The following PCCA variants were observed in gnomAD, a reference collection of about 807,000 sequenced individuals.
PCCA encodes propionyl-CoA carboxylase alpha chain, mitochondrial.
A neutral mutation model predicts 101.3 loss-of-function variants in PCCA; 74 were observed. That is an observed-to-expected ratio of 0.73 (90% CI 0.61 to 0.89). PCCA has a LOEUF of 0.89. PCCA is among the 40% of genes least tolerant of loss of function. The pLI, the probability that PCCA is intolerant of heterozygous loss-of-function variation, is 0.00. For missense variants in PCCA, 891 were observed against 907.0 expected, an observed-to-expected ratio of 0.98 and a Z score of 0.23; for synonymous variants, 294 against 313.6, an observed-to-expected ratio of 0.94 and a Z score of 0.66.
chr13:100,210,407 T>C (rs550563659), intron 7 of PCCA, among the ~76,000 whole-genome samples: 1 of 152,364 alleles, frequency 6.6e-6, no homozygotes, highest in African/African-American at 2.4e-5. Flanking sequence ...TACTGTCAGA[T>C]CTCTGGACTG....
chr13:100,360,323 A>G (rs1245504222), intron 18 of PCCA, among the ~76,000 whole-genome samples: 7 of 152,172 alleles, frequency 4.6e-5, no homozygotes, highest in Admixed American at 4.6e-4. Flanking sequence ...AGGTGGGGAC[A>G]CAGCCAAACC....
At chr13:100,430,367 T>C (rs2079459767) in intron 20 of PCCA, among the ~76,000 whole-genome samples, 1 of 152,222 alleles carries the variant, frequency 6.6e-6, no homozygotes, top group African/African-American at 2.4e-5. Flanking sequence ...AAGAACACCA[T>C]TATGAGTTTT....
intron 1 of PCCA, among the ~76,000 whole-genome samples, chr13:100,096,471 A>G (rs1009596758): frequency 6.6e-6 from 1 of 152,196 alleles, no homozygotes; most frequent in Admixed American, 6.5e-5. Context: ...GAGATACAAC[A>G]ATATTGAAAT....
intron 21 of PCCA, among the ~76,000 whole-genome samples, chr13:100,454,167 C>T (rs1279526562): frequency 2.6e-5 from 4 of 151,862 alleles, no homozygotes; most frequent in African/African-American, 9.7e-5. Context: ...AGCCACCGCA[C>T]CTGGCCAAAA....
intron 17 of PCCA, among the ~76,000 whole-genome samples, 179 bp downstream of exon 17, chr13:100,330,850 G>A (rs887548474): frequency 6.6e-6 from 1 of 152,164 alleles, no homozygotes; most frequent in Non-Finnish European, 1.5e-5. Context: ...ACTCATGAGT[G>A]TGATAATCTG....
At chr13:100,296,431 A>T (rs1201996263) in intron 12 of PCCA, among the ~76,000 whole-genome samples, 3 of 148,256 alleles carry the variant, frequency 2.0e-5, no homozygotes, top group East Asian at 2.0e-4. Flanking sequence ...TTTTTTTTTT[A>T]AATAGAGACA....
At chr13:100,279,415 T>C (rs2063912064) in intron 12 of PCCA, among the ~76,000 whole-genome samples, 1 of 152,202 alleles carries the variant, frequency 6.6e-6, no homozygotes, top group Non-Finnish European at 1.5e-5. Flanking sequence ...TTGGACTTCA[T>C]ATGTGTTCAG....
chr13:100,122,450 A>C (rs1367405113), intron 4 of PCCA, among the ~76,000 whole-genome samples: 1 of 152,176 alleles, frequency 6.6e-6, no homozygotes, highest in African/African-American at 2.4e-5. Context: ...CAGTGAAGCC[A>C]TCTGAATCTG....
At chr13:100,395,914 A>T (rs1018160915) in intron 19 of PCCA, among the ~76,000 whole-genome samples, 1 of 152,206 alleles carries the variant, frequency 6.6e-6, no homozygotes, top group Non-Finnish European at 1.5e-5. Flanking sequence ...GCAGTCTTAT[A>T]AAAAAGAAAC....
chr13:100,283,175 T>G (rs1052132508), intron 12 of PCCA, among the ~76,000 whole-genome samples: 1 of 152,198 alleles, frequency 6.6e-6, no homozygotes. Flanking sequence ...AGATCAAACC[T>G]TGGCCTTTAA....
chr13:100,471,324 C>T (rs1274377217), intron 21 of PCCA, among the ~76,000 whole-genome samples: 2 of 152,112 alleles, frequency 1.3e-5, no homozygotes, highest in Admixed American at 6.6e-5. Context: ...CAAAGATCAG[C>T]GATGACAGAT....
chr13:100,296,051 A>G (rs1225142861), intron 12 of PCCA, among the ~76,000 whole-genome samples: 3 of 152,168 alleles, frequency 2.0e-5, no homozygotes, highest in East Asian at 1.9e-4. Context: ...ACAGTAAAAT[A>G]TTTAAAAGTT....
At chr13:100,220,688 C>G (rs771403354) in intron 7 of PCCA, among the ~76,000 whole-genome samples, 1 of 152,158 alleles carries the variant, frequency 6.6e-6, no homozygotes, top group Non-Finnish European at 1.5e-5. Context: ...TTGCTCCCCA[C>G]TTTGTAACTA....
intron 18 of PCCA, among the ~76,000 whole-genome samples, chr13:100,364,743 TCA>T (rs2074995593): frequency 6.6e-6 from 1 of 152,136 alleles, no homozygotes. Context: ...TGTTAACATA[TCA>T]CCCTGAAAGA....
chr13:100,213,072 T>C (rs2059318931), intron 7 of PCCA, among the ~76,000 whole-genome samples: 1 of 152,188 alleles, frequency 6.6e-6, no homozygotes, highest in Non-Finnish European at 1.5e-5. Context: ...AGGACCTCAT[T>C]CTTTTTGGTG....
chr13:100,132,588 CT>C (rs1403384758), intron 4 of PCCA, among the ~76,000 whole-genome samples: 1 of 152,110 alleles, frequency 6.6e-6, no homozygotes, highest in Non-Finnish European at 1.5e-5. Context: ...TTGTTTCCAG[CT>C]TTTGACAATT....
At chr13:100,305,780 C>T (rs2066396775) in intron 14 of PCCA, 3 of 435,926 alleles carry the variant, frequency 6.9e-6, no homozygotes, top group Non-Finnish European at 1.4e-5. Flanking sequence ...TTTCATAGAA[C>T]ATCAGTTTAT....
rs185118738 is a variant in PCCA, at chr13:100,100,897, G to A, written c.106-1986G>A. 4.6e-5 allele frequency among the ~76,000 whole-genome samples: 7 copies of A among 151,910 alleles called. No individual in the cohort carries two copies. The East Asian group carries it at 1.4e-3, about 29-fold the overall frequency. Reference sequence around the variant, plus strand: ...CGGCTCACTGCAACCTCCGCCTCCCGGGTTCAAGCGATTCTCCTGCCTCAG... The same window carrying A: ...CGGCTCACTGCAACCTCCGCCTCCCAGGTTCAAGCGATTCTCCTGCCTCAG... On this transcript the variant is annotated intron_variant, in intron 1 of 23. Transcript: ENST00000376285.
chr13:100,444,474 G>A (rs1268832787), intron 20 of PCCA, among the ~76,000 whole-genome samples: 2 of 99,744 alleles, frequency 2.0e-5, no homozygotes, highest in African/African-American at 3.9e-5. Context: ...ACGGAGTCTC[G>A]CCCTGTCACC....
Sources: allele counts gnomAD v4.1 joint callset (sites outside exome capture counted in the v4.1 genomes callset), GRCh38; gene constraint gnomAD v4.1.1; transcripts MANE v1.5; gene names NCBI Gene and HGNC (gene_info 2026-07-23, HGNC 2026-07-21).